Variants in CSMD1 observed in about 807,000 individuals in gnomAD.
CSMD1 encodes the protein CUB and sushi domain-containing protein 1.
In CSMD1, 213 loss-of-function variants were observed where a neutral mutation model predicts 417.5. The ratio of observed to expected loss-of-function variants is 0.51; its 90% CI spans 0.46 to 0.57. The LOEUF is 0.57. CSMD1 is among the 20% of genes least tolerant of loss of function. The pLI, the probability that CSMD1 is intolerant of heterozygous loss-of-function variation, is 0.00. For missense variants in CSMD1, 6,923 were observed against 4,529.7 expected (o/e 1.53, Z -15.17); for synonymous variants, 2,862 against 1,736.8 (o/e 1.65, Z -16.11).
At chr8:4,969,435 G>C (rs1309772338) in intron 1 of CSMD1, among the ~76,000 whole-genome samples, 3 of 151,556 alleles carry the variant, frequency 2.0e-5, no homozygotes, top group African/African-American at 7.3e-5. Flanking sequence ...TCATCTATAG[G>C]AGCCAGTTCA....
chr8:4,247,291 G>T (rs1466731793), intron 3 of CSMD1, among the ~76,000 whole-genome samples: 1 of 152,030 alleles, frequency 6.6e-6, no homozygotes, highest in Non-Finnish European at 1.5e-5. Context: ...ATAATCAATG[G>T]GTGGTCAATT....
chr8:3,876,405 G>C (rs1034625710), intron 5 of CSMD1, among the ~76,000 whole-genome samples: 5 of 152,248 alleles, frequency 3.3e-5, no homozygotes, highest in African/African-American at 1.2e-4. Flanking sequence ...TATTTCTAAA[G>C]AATTCTGCAC....
rs1811700616 is a variant in CSMD1, at chr8:3,396,377, G to C, written c.2410C>G (p.Gln804Glu). Residue 804 changes from glutamine to glutamate, a missense_variant, in exon 17 of 70, where the codon CAG becomes GAG. Gln to Glu is a conservative substitution (Grantham distance 29). Coordinates refer to ENST00000635120, the MANE Select transcript of CSMD1 (RefSeq NM_033225.6). ...HSIKITFDRF[Q>E]TEVNYDTLEV... ...AAGGTGTCATAATTGACCTCTGTCT[G>C]AAATCTGCAAATATATACATCCCAT... The C allele has an allele frequency of 2.5e-6, 4 of 1,575,504 alleles. No individual in the cohort carries two copies. The highest frequency in any genetic ancestry group is 1.7e-4 in the Middle Eastern group (1 of 5,838).
intron 7 of CSMD1, among the ~76,000 whole-genome samples, chr8:3,698,138 G>C (rs1047297388): frequency 2.0e-5 from 3 of 152,078 alleles, no homozygotes; most frequent in Non-Finnish European, 2.9e-5. Flanking sequence ...CAGTGATGCT[G>C]TTCTCAAATC....
chr8:4,692,704 G>A (rs148427907), intron 1 of CSMD1, among the ~76,000 whole-genome samples: 1 of 152,154 alleles, frequency 6.6e-6, no homozygotes, highest in Non-Finnish European at 1.5e-5. Context: ...AAGTCCTGCA[G>A]CCTGCAAACC....
chr8:4,785,881 G>A (rs1158882800), intron 1 of CSMD1, among the ~76,000 whole-genome samples: 3 of 152,068 alleles, frequency 2.0e-5, no homozygotes, highest in African/African-American at 4.8e-5. Context: ...AACGGGGCCT[G>A]GATTTTAACC....
At position 3,471,331 on chromosome 8, in the gene CSMD1, A is replaced by G. The variant is rs997514494; in HGVS notation, c.1449-2507T>C. ...TTTAAATACTGAAAACTCTCTTGAT[A>G]TATTGTAGTACAGATACCAGTCCTT... On this transcript the variant is annotated intron_variant, in intron 11 of 69. Transcript: ENST00000635120. Among the ~76,000 whole-genome samples the G allele has an allele frequency of 4.6e-5, 7 of 152,258 alleles. No homozygotes were observed. The South Asian group carries it at 1.5e-3, about 32-fold the overall frequency.
intron 3 of CSMD1, among the ~76,000 whole-genome samples, chr8:4,310,751 G>C (rs1353966654): frequency 6.6e-6 from 1 of 152,138 alleles, no homozygotes; most frequent in African/African-American, 2.4e-5. Flanking sequence ...CTCCAGCATG[G>C]AGAGGGAGAC....
At chr8:4,258,798 C>T (rs935445750) in intron 3 of CSMD1, among the ~76,000 whole-genome samples, 3 of 152,066 alleles carry the variant, frequency 2.0e-5, no homozygotes, top group African/African-American at 7.2e-5. Context: ...TATTTAGAGG[C>T]AACTCTAAGG....
intron 1 of CSMD1, among the ~76,000 whole-genome samples, chr8:4,879,243 C>A (rs1169010633): frequency 6.6e-6 from 1 of 151,664 alleles, no homozygotes; most frequent in African/African-American, 2.4e-5. Flanking sequence ...GACATCAACT[C>A]GAGGAAAGGT....
chr8:4,802,371 GT>G (rs1273562664), intron 1 of CSMD1, among the ~76,000 whole-genome samples: 6 of 151,948 alleles, frequency 3.9e-5, no homozygotes, highest in Non-Finnish European at 5.9e-5. Context: ...GTGTGTGTGT[GT>G]GTGTGTAGGG....
At chr8:4,236,526 C>A (rs920954513) in intron 3 of CSMD1, among the ~76,000 whole-genome samples, 1 of 152,028 alleles carries the variant, frequency 6.6e-6, no homozygotes. Context: ...AAAAAGTTAG[C>A]GAGATTTCAT....
rs1000569396 is a variant in CSMD1 at position 3,668,307 on chromosome 8, G to C, written c.1009+40107C>G. Reference sequence around the variant, plus strand: ...GTGTAAAGGAAGATATGAAGTGAGAGGATTAGGAAGGAGGGGCATGTCCCA... The same window carrying C: ...GTGTAAAGGAAGATATGAAGTGAGACGATTAGGAAGGAGGGGCATGTCCCA... On this transcript the variant is annotated intron_variant, in intron 7 of 69. Transcript: ENST00000635120. Among the ~76,000 whole-genome samples, 3 of 152,124 alleles carry C rather than the reference G, an allele frequency of 2.0e-5. No individual in the cohort carries two copies. In the South Asian group the frequency reaches 6.2e-4, roughly 31 times the overall value.
At chr8:3,664,526 A>T (rs1476696204) in intron 7 of CSMD1, among the ~76,000 whole-genome samples, 2 of 152,214 alleles carry the variant, frequency 1.3e-5, no homozygotes, top group African/African-American at 4.8e-5. Flanking sequence ...TTGTATGCTG[A>T]TGGTGGGTCA....
chr8:4,789,450 A>G (rs746675857), intron 1 of CSMD1, among the ~76,000 whole-genome samples: 54 of 152,128 alleles, frequency 3.5e-4, no homozygotes, highest in Non-Finnish European at 4.1e-4. Flanking sequence ...AGAGTTTACA[A>G]AATAACGCAT....
intron 7 of CSMD1, among the ~76,000 whole-genome samples, chr8:3,637,673 A>T (rs1177253008): frequency 6.6e-6 from 1 of 152,198 alleles, no homozygotes; most frequent in Non-Finnish European, 1.5e-5. Context: ...ATCATATGAA[A>T]CAGGATGACA....
intron 1 of CSMD1, among the ~76,000 whole-genome samples, chr8:4,913,144 C>G (rs879163833): frequency 1.3e-5 from 2 of 152,162 alleles, no homozygotes; most frequent in African/African-American, 4.8e-5. Flanking sequence ...GCAGAGTCCA[C>G]CACTCAGAAC....
At chr8:4,280,137 T>C (rs1459152866) in intron 3 of CSMD1, among the ~76,000 whole-genome samples, 1 of 152,220 alleles carries the variant, frequency 6.6e-6, no homozygotes, top group Non-Finnish European at 1.5e-5. Context: ...CAAATGTAAA[T>C]ATTCTGAATT....
chr8:3,307,730 G>A lies in CSMD1; in HGVS notation c.3915C>T (p.Thr1305=). 8.1e-6 allele frequency: 13 copies of A among 1,613,724 alleles called. No homozygotes were observed. Among genetic ancestry groups the A allele is most frequent in the Non-Finnish European group, 9.3e-6 (11 of 1,179,714 alleles). Residue 1305 remains threonine, a synonymous_variant, in exon 25 of 70, where the codon ACC becomes ACT. Transcript: ENST00000635120. Reference sequence around the variant, plus strand: ...TTCCTGGGTCTGCCTCTATAATCCAGGTGCAGTGGAGGTTGTTGTCATACG... The same window carrying A: ...TTCCTGGGTCTGCCTCTATAATCCAAGTGCAGTGGAGGTTGTTGTCATACG... The part of the protein sequence containing the change: ...PAPYDNNLHC[T]WIIEADPGKT...
Sources: gnomAD v4.1 joint callset for allele counts (sites outside exome capture counted in the v4.1 genomes callset) on GRCh38, gnomAD v4.1.1 for gene constraint, MANE v1.5 for transcripts, NCBI Gene and HGNC (gene_info 2026-07-23, HGNC 2026-07-21) for gene names.